Variants in UVSSA observed in about 807,000 individuals in gnomAD.
UVSSA encodes the protein UV stimulated scaffold protein A.
UVSSA carries 72 observed loss-of-function variants against 73.9 expected under a neutral mutation model. That is an observed-to-expected ratio of 0.97 (90% CI 0.81 to 1.19). UVSSA has a LOEUF of 1.19. UVSSA is among the 50% of genes most tolerant of loss of function. The probability of loss-of-function intolerance (pLI) is 0.00; values close to 1 mark genes in which losing one functional copy is unlikely to be tolerated. For missense variants in UVSSA, 1,150 were observed against 965.0 expected (o/e 1.19, Z -2.54); for synonymous variants, 454 against 391.3 (o/e 1.16, Z -1.89).
intron 12 of UVSSA, among the ~76,000 whole-genome samples, chr4:1,381,672 T>G (rs1719518175): frequency 6.6e-6 from 1 of 151,764 alleles, no homozygotes; most frequent in South Asian, 2.1e-4. Context: ...TCTCTTCTTT[T>G]TACTTTGATT....
At chr4:1,367,980 C>T (rs546708728) in intron 8 of UVSSA, among the ~76,000 whole-genome samples, 68 of 152,376 alleles carry the variant, frequency 4.5e-4, no homozygotes, top group East Asian at 1.3e-3. Context: ...CACCGTTGGC[C>T]GCTGCAATCT....
chr4:1,382,352 T>G (rs1399244136), intron 12 of UVSSA, among the ~76,000 whole-genome samples: 3 of 152,226 alleles, frequency 2.0e-5, no homozygotes, highest in Admixed American at 6.5e-5. Flanking sequence ...CAGTCAGATG[T>G]GAAATAGTGT....
intron 12 of UVSSA, among the ~76,000 whole-genome samples, chr4:1,382,240 G>A (rs1232110575): frequency 6.6e-6 from 1 of 152,236 alleles, no homozygotes; most frequent in Admixed American, 6.5e-5. Flanking sequence ...AGCAAATTAA[G>A]TGCCTATTTT....
At chr4:1,388,943 T>C (rs1381672772), downstream of UVSSA, 1 of 152,206 alleles carries the variant, frequency 6.6e-6, no homozygotes, top group Non-Finnish European at 1.5e-5. Context: ...ACTGACCTCA[T>C]AGATTGAGGT....
intron 8 of UVSSA, among the ~76,000 whole-genome samples, chr4:1,367,677 A>T (rs1294846884): frequency 2.0e-5 from 3 of 151,986 alleles, no homozygotes; most frequent in African/African-American, 4.8e-5. Context: ...CGCTCTGGGA[A>T]CCACTGTGGC....
At chr4:1,350,929 A>G (rs1031293428) in intron 3 of UVSSA, among the ~76,000 whole-genome samples, 5 of 152,172 alleles carry the variant, frequency 3.3e-5, no homozygotes, top group Admixed American at 2.6e-4. Flanking sequence ...TTTTTGAGAC[A>G]GGGTCTTGGT....
chr4:1,353,417 A>G lies in UVSSA; in HGVS notation c.934+4A>G. On this transcript the variant is annotated splice_donor_region_variant and intron_variant, in intron 5 of 13. Transcript: ENST00000389851. ...CTGGATGTGGAGCTCTGCTCAGGTA[A>G]CTGCCTTCGCGGGGTCTCTGTGGCG... The G allele has an allele frequency of 2.0e-6, 3 of 1,506,042 alleles. No homozygotes were observed. The highest frequency in any genetic ancestry group is 2.7e-6 in the Non-Finnish European group (3 of 1,123,636). 93.3% of individuals were successfully genotyped at this position (1,506,042 alleles called of 1,614,324 possible).
At chr4:1,380,348 G>A in intron 11 of UVSSA, 118 bp downstream of exon 11, 1 of 1,294,284 alleles carries the variant, frequency 7.7e-7, no homozygotes, top group Non-Finnish European at 1.0e-6. Context: ...GCACTGAGAA[G>A]CCCATGGAAG....
At chr4:1,344,882 G>A (rs142526472), upstream of UVSSA, among the ~76,000 whole-genome samples, 116 of 152,256 alleles carry the variant, frequency 7.6e-4, no homozygotes, top group African/African-American at 2.7e-3. Flanking sequence ...CTGGAAGGAG[G>A]CAAGGAACTC....
intron 8 of UVSSA, among the ~76,000 whole-genome samples, chr4:1,369,907 C>T (rs370735373): frequency 3.9e-5 from 6 of 152,364 alleles, no homozygotes; most frequent in African/African-American, 7.2e-5. Context: ...GCGGGCGCCG[C>T]GTTCGGCTGT....
chr4:1,385,985 C>T lies in UVSSA; in HGVS notation c.*24C>T. 6.2e-7 allele frequency: 1 copy of T among 1,611,928 alleles called. No individual in the cohort carries two copies. On this transcript the variant is annotated 3_prime_UTR_variant, in exon 14 of 14. Coordinates refer to ENST00000389851, the MANE Select transcript of UVSSA (RefSeq NM_020894.4). ...AGAGAGCGGGGCCCAGTGCACTGGC[C>T]ATCAGCACTTTCTCCCTCTGCCAGT...
chr4:1,382,197 G>A (rs903953228), intron 12 of UVSSA, among the ~76,000 whole-genome samples: 8 of 152,236 alleles, frequency 5.3e-5, no homozygotes, highest in African/African-American at 1.2e-4. Context: ...GCTAATCTCC[G>A]GGTGAGGCCT....
chr4:1,350,422 TTG>T (rs1165039246), intron 3 of UVSSA, among the ~76,000 whole-genome samples: 2 of 152,190 alleles, frequency 1.3e-5, no homozygotes, highest in Admixed American at 6.5e-5. Context: ...CTGTGTGCCC[TTG>T]GAGTGCCCTG....
chr4:1,369,832 A>G (rs1431372215), intron 8 of UVSSA, among the ~76,000 whole-genome samples: 1 of 152,254 alleles, frequency 6.6e-6, no homozygotes, highest in East Asian at 1.9e-4. Flanking sequence ...ATTCTTTCTC[A>G]AAACAACTGT....
chr4:1,374,474 C>G (rs906888792), intron 8 of UVSSA, among the ~76,000 whole-genome samples: 1 of 152,202 alleles, frequency 6.6e-6, no homozygotes, highest in Admixed American at 6.5e-5. Context: ...CAGGGCCCAG[C>G]AGTGTTGGAG....
chr4:1,362,337 G>A (rs1716767819), intron 7 of UVSSA, among the ~76,000 whole-genome samples: 1 of 152,216 alleles, frequency 6.6e-6, no homozygotes, highest in Non-Finnish European at 1.5e-5. Flanking sequence ...CTGTGGACCA[G>A]CCTTGGGAGG....
downstream of UVSSA, chr4:1,388,309 A>G (rs1367649823): frequency 2.6e-5 from 4 of 152,352 alleles, no homozygotes; most frequent in African/African-American, 4.8e-5. Context: ...TGGAAGTACA[A>G]CTGACTTTTG....
At position 1,353,336 on chromosome 4, in the gene UVSSA, A is replaced by T. The variant is rs1477980210; in HGVS notation, c.857A>T (p.Asp286Val). The T allele has an allele frequency of 6.2e-7, 1 of 1,611,480 alleles. No homozygotes were observed. Among genetic ancestry groups the T allele is most frequent in the Non-Finnish European group, 8.5e-7 (1 of 1,179,626 alleles). Reference sequence around the variant, plus strand: ...GGTGACCCCTCAGATGAGGACGAGGACAGCGACCTCGAGGAGTTTGTGCGG... The same window carrying T: ...GGTGACCCCTCAGATGAGGACGAGGTCAGCGACCTCGAGGAGTTTGTGCGG... ...ATGDPSDEDE[D>V]SDLEEFVRSH... The change falls in exon 5 of 14, where the codon GAC (aspartate) becomes GTC (valine). Residue 286 changes from aspartate (D) to valine (V), a missense_variant. Coordinates refer to ENST00000389851, the MANE Select transcript of UVSSA (RefSeq NM_020894.4).
At position 1,354,723 on chromosome 4, in the gene UVSSA, G is replaced by A. The variant is rs1277275432; in HGVS notation, c.935-12G>A. On this transcript the variant is annotated splice_polypyrimidine_tract_variant and intron_variant, in intron 5 of 13. Coordinates refer to ENST00000389851, the MANE Select transcript of UVSSA (RefSeq NM_020894.4). ...CGGCGCCCTCTTGTGACCTCTGTGT[G>A]CTTCTCCCCAGAGGGCCTGAAGGTG... 1.2e-6 allele frequency: 2 copies of A among 1,610,456 alleles called. No individual in the cohort carries two copies. Among genetic ancestry groups the A allele is most frequent in the African/African-American group, 1.3e-5 (1 of 74,830 alleles).
Sources: allele counts gnomAD v4.1 joint callset (sites outside exome capture counted in the v4.1 genomes callset), GRCh38; gene constraint gnomAD v4.1.1; transcripts MANE v1.5; gene names NCBI Gene and HGNC (gene_info 2026-07-23, HGNC 2026-07-21).